Variants in GATB observed in about 807,000 individuals in gnomAD.
GATB encodes the protein glutamyl-tRNA(Gln) amidotransferase subunit B, mitochondrial.
GATB carries 39 observed loss-of-function variants against 62.3 expected under a neutral mutation model. The observed-to-expected ratio is 0.63, with a 90% CI of 0.48 to 0.82. The LOEUF (loss-of-function observed/expected upper bound fraction) is 0.82, where lower values mean the gene tolerates loss of function less well. Ranked by LOEUF, GATB falls within the 40% of genes least tolerant of loss-of-function variation. The probability of loss-of-function intolerance (pLI) is 0.00; values close to 1 mark genes in which losing one functional copy is unlikely to be tolerated. For missense variants in GATB, 670 were observed against 684.0 expected, an observed-to-expected ratio of 0.98 and a Z score of 0.23; for synonymous variants, 276 against 258.9, an observed-to-expected ratio of 1.07 and a Z score of -0.63.
intron 9 of GATB, among the ~76,000 whole-genome samples, chr4:151,696,506 C>T (rs896193360): frequency 6.6e-6 from 1 of 152,192 alleles, no homozygotes; most frequent in Non-Finnish European, 1.5e-5. Flanking sequence ...GGCAGCAGAG[C>T]TTAGGAATGA....
intron 2 of GATB, among the ~76,000 whole-genome samples, chr4:151,738,323 G>A (rs766549373): frequency 2.6e-5 from 4 of 152,168 alleles, no homozygotes; most frequent in Non-Finnish European, 5.9e-5. Context: ...CTGAATCATG[G>A]GGGCAGGTCT....
At chr4:151,744,187 T>TA (rs914501323) in intron 2 of GATB, among the ~76,000 whole-genome samples, 12 of 152,192 alleles carry the variant, frequency 7.9e-5, no homozygotes, top group Non-Finnish European at 1.6e-4. Flanking sequence ...TAAAGAAGTT[T>TA]AAAAAATAGC....
chr4:151,691,679 A>T (rs1738368841), intron 9 of GATB: 1 of 152,274 alleles, frequency 6.6e-6, no homozygotes. Context: ...ATCAAATGCA[A>T]ATGCTGGAAG....
intron 5 of GATB, among the ~76,000 whole-genome samples, chr4:151,713,503 G>A (rs1377469600): frequency 6.6e-6 from 1 of 152,194 alleles, no homozygotes; most frequent in South Asian, 2.1e-4. Context: ...TCAGCCAGCT[G>A]CTGCAACTCC....
intron 2 of GATB, among the ~76,000 whole-genome samples, chr4:151,752,186 T>C (rs1434892048): frequency 3.3e-5 from 5 of 152,228 alleles, no homozygotes; most frequent in Non-Finnish European, 5.9e-5. Context: ...TCCCAATCCT[T>C]TGTATGTGGA....
At chr4:151,725,319 A>G (rs1191184542) in intron 2 of GATB, among the ~76,000 whole-genome samples, 1 of 152,256 alleles carries the variant, frequency 6.6e-6, no homozygotes, top group Non-Finnish European at 1.5e-5. Context: ...AGCCTGCAGG[A>G]GCAGCCTCCC....
chr4:151,717,127 G>C, intron 3 of GATB, 53 bp from the exon 4 acceptor site: 1 of 1,542,184 alleles, frequency 6.5e-7, no homozygotes, highest in Non-Finnish European at 9.0e-7. Flanking sequence ...TAAAAGCTGG[G>C]ATCCAGTTTA....
chr4:151,736,616 C>A (rs1264609129), intron 2 of GATB, among the ~76,000 whole-genome samples: 1 of 152,212 alleles, frequency 6.6e-6, no homozygotes, highest in Non-Finnish European at 1.5e-5. Flanking sequence ...ACTCTATTGG[C>A]CACTATGAAG....
At chr4:151,718,565 C>G (rs1264243718) in intron 3 of GATB, among the ~76,000 whole-genome samples, 2 of 152,090 alleles carry the variant, frequency 1.3e-5, no homozygotes, top group Admixed American at 6.5e-5. Flanking sequence ...AGGCTGGAGG[C>G]CAGAGGGGAA....
At chr4:151,733,776 G>C (rs1463887975) in intron 2 of GATB, among the ~76,000 whole-genome samples, 1 of 152,124 alleles carries the variant, frequency 6.6e-6, no homozygotes, top group Non-Finnish European at 1.5e-5. Flanking sequence ...TCATACCAGG[G>C]ATGCAGAATT....
intron 2 of GATB, among the ~76,000 whole-genome samples, chr4:151,742,811 A>G (rs1422007652): frequency 1.3e-5 from 2 of 152,202 alleles, no homozygotes; most frequent in Non-Finnish European, 2.9e-5. Flanking sequence ...ATTACAAAAT[A>G]CACCAGAGAA....
At chr4:151,750,131 T>A (rs957594043) in intron 2 of GATB, among the ~76,000 whole-genome samples, 1 of 152,198 alleles carries the variant, frequency 6.6e-6, no homozygotes, top group Non-Finnish European at 1.5e-5. Flanking sequence ...TCCGCCCACC[T>A]CGGTCTCCCA....
intron 2 of GATB, among the ~76,000 whole-genome samples, chr4:151,749,710 A>G (rs1350197193): frequency 6.6e-6 from 1 of 152,092 alleles, no homozygotes; most frequent in Non-Finnish European, 1.5e-5. Flanking sequence ...TTGACAACCA[A>G]ACCTCAAAAC....
intron 2 of GATB, among the ~76,000 whole-genome samples, chr4:151,743,268 C>T (rs148153729): frequency 4.6e-5 from 7 of 152,284 alleles, no homozygotes; most frequent in Non-Finnish European, 1.0e-4. Context: ...ATGCACAGGG[C>T]CCTGAATTGG....
intron 12 of GATB, chr4:151,672,517 C>A: frequency 2.1e-6 from 1 of 477,640 alleles, no homozygotes; most frequent in South Asian, 3.8e-5. Context: ...TTAAACTACA[C>A]CTCCATGGAG....
At chr4:151,680,828 AGCATTTCCTTT>A (rs1738124494) in intron 10 of GATB, among the ~76,000 whole-genome samples, 1 of 152,208 alleles carries the variant, frequency 6.6e-6, no homozygotes, top group Non-Finnish European at 1.5e-5. Flanking sequence ...TGCTCCAGTG[AGCATTTCCTTT>A]GCACATCATC....
chr4:151,742,544 T>A (rs546295554), intron 2 of GATB, among the ~76,000 whole-genome samples: 2 of 152,236 alleles, frequency 1.3e-5, no homozygotes, highest in East Asian at 1.9e-4. Flanking sequence ...AGATTATAGA[T>A]TTTGGTGGGT....
intron 2 of GATB, among the ~76,000 whole-genome samples, chr4:151,729,021 G>A (rs967127413): frequency 6.6e-6 from 1 of 152,196 alleles, no homozygotes; most frequent in African/African-American, 2.4e-5. Flanking sequence ...TGAGAAGTGA[G>A]TCTCTGGAAG....
At chr4:151,723,914 A>T (rs1032766064) in intron 2 of GATB, 6 of 152,208 alleles carry the variant, frequency 3.9e-5, no homozygotes, top group Non-Finnish European at 8.8e-5. Context: ...ATGGCCAGGA[A>T]AAAGATCTTG....
Sources: allele counts gnomAD v4.1 joint callset (sites outside exome capture counted in the v4.1 genomes callset), GRCh38; gene constraint gnomAD v4.1.1; transcripts MANE v1.5; gene names NCBI Gene and HGNC (gene_info 2026-07-23, HGNC 2026-07-21).